VPS13B: variants seen among roughly 807,000 people sequenced by gnomAD.
The protein encoded by VPS13B is intermembrane lipid transfer protein VPS13B.
Under a neutral mutation model 426.4 loss-of-function variants are expected in VPS13B, and 285 were observed. The observed-to-expected ratio is 0.67, with a 90% CI of 0.61 to 0.74. VPS13B has a LOEUF of 0.74. Among genes scored for constraint, VPS13B ranks in the 30% least tolerant of loss-of-function variants. The probability of loss-of-function intolerance (pLI) is 0.00; values close to 1 mark genes in which losing one functional copy is unlikely to be tolerated. For missense variants in VPS13B, 4,537 were observed against 4,782.6 expected, an observed-to-expected ratio of 0.95 and a Z score of 1.51; for synonymous variants, 1,676 against 1,676.4, an observed-to-expected ratio of 1.00 and a Z score of 0.01.
intron 29 of VPS13B, among the ~76,000 whole-genome samples, chr8:99,519,642 G>A (rs1324792336): frequency 1.3e-5 from 2 of 152,074 alleles, no homozygotes; most frequent in Non-Finnish European, 2.9e-5. Flanking sequence ...ATGAGTTCAC[G>A]TCCTTTGTAG....
intron 19 of VPS13B, among the ~76,000 whole-genome samples, chr8:99,375,595 C>A (rs1389376083): frequency 6.6e-6 from 1 of 152,192 alleles, no homozygotes; most frequent in African/African-American, 2.4e-5. Context: ...CTCATCACTG[C>A]TCTTGCATTT....
chr8:99,827,937 G>A (rs1814792797), intron 51 of VPS13B, among the ~76,000 whole-genome samples: 1 of 152,180 alleles, frequency 6.6e-6, no homozygotes, highest in Admixed American at 6.5e-5. Flanking sequence ...ACTGTGGTCT[G>A]AGAGACTGTT....
intron 35 of VPS13B, among the ~76,000 whole-genome samples, chr8:99,664,721 T>C (rs1830400699): frequency 6.6e-6 from 1 of 152,262 alleles, no homozygotes; most frequent in Non-Finnish European, 1.5e-5. Flanking sequence ...CTATCGTTGT[T>C]GGACATTCAG....
chr8:99,816,618 C>A (rs1814056872), intron 44 of VPS13B, among the ~76,000 whole-genome samples: 1 of 151,974 alleles, frequency 6.6e-6, no homozygotes, highest in Admixed American at 6.6e-5. Context: ...CCAGCCTAGG[C>A]AACACTGAAA....
chr8:99,462,614 T>C (rs971971276), intron 23 of VPS13B, among the ~76,000 whole-genome samples: 5 of 152,196 alleles, frequency 3.3e-5, no homozygotes, highest in Non-Finnish European at 7.3e-5. Context: ...CTTTCTTATA[T>C]GCCCAGATAC....
intron 8 of VPS13B, among the ~76,000 whole-genome samples, chr8:99,130,388 CT>C (rs539820640): frequency 1.2e-3 from 165 of 135,086 alleles, no homozygotes; most frequent in Non-Finnish European, 1.4e-3. Context: ...TGTTCGGGTC[CT>C]TTTTTTTTTT....
At chr8:99,793,808 GA>G (rs1275671634) in intron 43 of VPS13B, among the ~76,000 whole-genome samples, 2 of 152,214 alleles carry the variant, frequency 1.3e-5, no homozygotes, top group African/African-American at 4.8e-5. Context: ...GCACAAATTT[GA>G]AGCCATAAAT....
intron 36 of VPS13B, among the ~76,000 whole-genome samples, chr8:99,708,411 AG>A (rs1832575255): frequency 6.6e-6 from 1 of 152,184 alleles, no homozygotes; most frequent in South Asian, 2.1e-4. Flanking sequence ...CCAGCTCAGT[AG>A]GCATTTCTTC....
chr8:99,153,129 C>A (rs939806346), intron 14 of VPS13B, among the ~76,000 whole-genome samples: 3 of 152,186 alleles, frequency 2.0e-5, no homozygotes, highest in Non-Finnish European at 2.9e-5. Context: ...ATGATCACAC[C>A]ACTTGCACTC....
intron 35 of VPS13B, among the ~76,000 whole-genome samples, chr8:99,689,628 G>A (rs910530770): frequency 3.9e-5 from 6 of 152,094 alleles, no homozygotes; most frequent in Non-Finnish European, 5.9e-5. Context: ...GGCCAACCTG[G>A]GCAACATAAT....
Position 99,150,293 on chromosome 8 carries a change from A to T in VPS13B, c.2013+2283A>T, listed in dbSNP as rs551269146. ...AGAGTGAAAGGTACAGAGATTTTTC[A>T]TAAACTGACTCCCCCCACGTACATA... On this transcript the variant is annotated intron_variant, in intron 14 of 61. Transcript: ENST00000357162. Among the ~76,000 whole-genome samples the T allele has an allele frequency of 5.9e-5, 9 of 152,268 alleles. No homozygotes were observed. The South Asian group carries it at 1.7e-3, about 28-fold the overall frequency.
At chr8:99,125,158 C>T (rs575694058) in intron 8 of VPS13B, among the ~76,000 whole-genome samples, 3 of 152,132 alleles carry the variant, frequency 2.0e-5, no homozygotes, top group African/African-American at 4.8e-5. Flanking sequence ...ATGGATCAGT[C>T]GGAGTCCCAA....
At chr8:99,794,518 A>G (rs1315343954) in intron 43 of VPS13B, among the ~76,000 whole-genome samples, 1 of 152,192 alleles carries the variant, frequency 6.6e-6, no homozygotes, top group Non-Finnish European at 1.5e-5. Context: ...TCCTGCTTAG[A>G]AATAGCTCCC....
At position 99,451,031 on chromosome 8, in the gene VPS13B, G is replaced by T. The variant is rs148257676; in HGVS notation, c.3445+8396G>T. ...TTTAATAATTTAAAAAATTACTCAG[G>T]ATTATCATTGTGAATGCAACCAGAA... On this transcript the variant is annotated intron_variant, in intron 23 of 61. Transcript: ENST00000357162. Among the ~76,000 whole-genome samples, 5 of 152,176 alleles carry T rather than the reference G, an allele frequency of 3.3e-5. No homozygotes were observed. The East Asian group carries it at 9.7e-4, about 29-fold the overall frequency.
chr8:99,451,226 T>G (rs1455914869), intron 23 of VPS13B, among the ~76,000 whole-genome samples: 4 of 152,166 alleles, frequency 2.6e-5, no homozygotes, highest in Non-Finnish European at 5.9e-5. Flanking sequence ...TTCTTTTAAT[T>G]CCTAAAACCT....
chr8:99,303,361 A>G (rs902973897), intron 19 of VPS13B, among the ~76,000 whole-genome samples: 1 of 151,260 alleles, frequency 6.6e-6, no homozygotes, highest in Non-Finnish European at 1.5e-5. Context: ...CATGTCCTCT[A>G]TGGTGCAGAT....
intron 21 of VPS13B, among the ~76,000 whole-genome samples, chr8:99,418,271 C>T (rs988111064): frequency 6.6e-6 from 1 of 151,562 alleles, no homozygotes; most frequent in Non-Finnish European, 1.5e-5. Flanking sequence ...TCCATCCCTC[C>T]CTCCTTTCTT....
chr8:99,854,594 AT>A lies in VPS13B; in HGVS notation c.10867+342del, dbSNP rs1301437198. Among the ~76,000 whole-genome samples, 12 of 152,286 alleles carry A rather than the reference AT, an allele frequency of 7.9e-5. No individual in the cohort carries two copies. In the East Asian group the frequency reaches 1.9e-3, roughly 24 times the overall value. On this transcript the variant is annotated intron_variant, in intron 56 of 61. Coordinates refer to ENST00000357162, the MANE Select transcript of VPS13B (RefSeq NM_152564.5). ...AGTAGTAGCTGTTCTGTAACTTAGA[AT>A]TTTAGTTCAGTTTAGCACACACTTT...
At chr8:99,198,493 A>G (rs1814081831) in intron 17 of VPS13B, among the ~76,000 whole-genome samples, 1 of 152,058 alleles carries the variant, frequency 6.6e-6, no homozygotes, top group Non-Finnish European at 1.5e-5. Context: ...CTGAATTTAT[A>G]AAATGGACTG....
Sources: allele counts gnomAD v4.1 joint callset (sites outside exome capture counted in the v4.1 genomes callset), GRCh38; gene constraint gnomAD v4.1.1; transcripts MANE v1.5; gene names NCBI Gene and HGNC (gene_info 2026-07-23, HGNC 2026-07-21).